The following PCNX1 variants were observed in gnomAD, a reference collection of about 807,000 sequenced individuals.
PCNX1 encodes the protein pecanex-like protein 1.
PCNX1 carries 78 observed loss-of-function variants against 242.2 expected under a neutral mutation model. The ratio of observed to expected loss-of-function variants is 0.32; its 90% CI spans 0.27 to 0.39. PCNX1 has a LOEUF of 0.39. Among genes scored for constraint, PCNX1 ranks in the 10% least tolerant of loss-of-function variants. The pLI is 1.00. For missense variants in PCNX1, 2,581 were observed against 2,856.5 expected, an observed-to-expected ratio of 0.90 and a Z score of 2.20; for synonymous variants, 1,024 against 1,032.9, an observed-to-expected ratio of 0.99 and a Z score of 0.17.
chr14:70,994,426 T>G lies in PCNX1; in HGVS notation c.2445-1315T>G, dbSNP rs866945966. Among the ~76,000 whole-genome samples, 312 of 114,826 alleles carry G rather than the reference T, an allele frequency of 2.7e-3. 8 individuals carry two copies. Among genetic ancestry groups the G allele is most frequent in the Non-Finnish European group, 2.8e-3 (150 of 54,098 alleles). 75.3% of individuals were successfully genotyped at this position (114,826 alleles called of 152,430 possible). On this transcript the variant is annotated intron_variant, in intron 7 of 35. Coordinates refer to ENST00000304743, the MANE Select transcript of PCNX1 (RefSeq NM_014982.3). ...ATATATATATATATATATATATATA[T>G]ATATGTATGTATGTATGTTTCAACA... is the stretch of plus-strand genomic sequence containing the variant.
intron 6 of PCNX1, among the ~76,000 whole-genome samples, chr14:70,988,122 A>C (rs2059053151): frequency 6.6e-6 from 1 of 152,224 alleles, no homozygotes; most frequent in Non-Finnish European, 1.5e-5. Flanking sequence ...ACAGTGAAAT[A>C]TACTGTCTTT....
At chr14:71,098,917 G>T (rs1220024845) in intron 30 of PCNX1, among the ~76,000 whole-genome samples, 1 of 152,106 alleles carries the variant, frequency 6.6e-6, no homozygotes, top group African/African-American at 2.4e-5. Context: ...TCCCCATTCA[G>T]TATGAGGGCT....
In PCNX1 at chr14:70,978,581, A is replaced by G. The variant is rs2058747712; in HGVS notation, c.2244A>G (p.Arg748=). Residue 748 remains arginine (R), a synonymous_variant, in exon 6 of 36, where the codon CGA becomes CGG. Transcript: ENST00000304743. Reference sequence around the variant, plus strand: ...CTTCCCAGTTAGAGACAGTCACTCGATCTAGGAATAGCTTGCCAAACCAGG... The same window carrying G: ...CTTCCCAGTTAGAGACAGTCACTCGGTCTAGGAATAGCTTGCCAAACCAGG... ...GRASQLETVT[R]SRNSLPNQVA... is the part of the protein sequence containing the mutation. The G allele has an allele frequency of 1.9e-6, 3 of 1,613,990 alleles. 1 individual carries two copies. The South Asian group carries it at 3.3e-5, about 18-fold the overall frequency.
In PCNX1 at chr14:71,036,140, G is replaced by C. The variant is rs1460787867; in HGVS notation, c.3850G>C (p.Val1284Leu). 6.3e-7 allele frequency: 1 copy of C among 1,592,668 alleles called. No individual in the cohort carries two copies. Among genetic ancestry groups the C allele is most frequent in the Non-Finnish European group, 8.6e-7 (1 of 1,160,528 alleles). The change falls in exon 19 of 36, where the codon GTC becomes CTC. Residue 1284 changes from valine (V) to leucine (L), a missense_variant. Around this residue, in one of 9 missense-constraint regions of PCNX1, gnomAD observed 432 missense variants for 443.1 expected, o/e 0.97. Coordinates refer to ENST00000304743, the MANE Select transcript of PCNX1 (RefSeq NM_014982.3). ...GTATTTTGCTATTCATGTAAGCACA[G>C]TCTTCACAGTATTGCAGGTAAGGAA... ...VLYFAIHVST[V>L]FTVLQPALKY...
chr14:71,087,520 C>T (rs945912840), intron 28 of PCNX1, among the ~76,000 whole-genome samples: 2 of 152,156 alleles, frequency 1.3e-5, no homozygotes, highest in Non-Finnish European at 2.9e-5. Context: ...ATTGATTCTT[C>T]ACCTTTAGCA....
chr14:71,034,141 G>A (rs2060467037), intron 18 of PCNX1, 105 bp downstream of exon 18: 3 of 624,902 alleles, frequency 4.8e-6, no homozygotes, highest in South Asian at 4.0e-5. Flanking sequence ...GGAGAAAAAT[G>A]TATAATTATA....
intron 13 of PCNX1, 23 bp downstream of exon 13, chr14:71,023,255 G>T (rs1447926899): frequency 6.6e-7 from 1 of 1,525,652 alleles, no homozygotes; most frequent in Admixed American, 1.7e-5. Flanking sequence ...TAATATGGCT[G>T]TACATTATAG....
intron 1 of PCNX1, 45 bp from the exon 2 acceptor site, chr14:70,946,870 A>C (rs1184310625): frequency 3.2e-6 from 4 of 1,248,400 alleles, no homozygotes; most frequent in Non-Finnish European, 3.5e-6. Context: ...TGAATACGAT[A>C]TAAAATATTT....
At chr14:71,031,982 T>C (rs751672636) in intron 16 of PCNX1, 52 of 1,212,952 alleles carry the variant, frequency 4.3e-5, no homozygotes, top group Non-Finnish European at 6.1e-5. Context: ...TGTGGTTCAT[T>C]GTCTCATGCC....
intron 16 of PCNX1, chr14:71,031,634 G>T: frequency 1.6e-6 from 1 of 637,408 alleles, no homozygotes; most frequent in South Asian, 1.6e-5. Context: ...CAGCTCAACA[G>T]CTCTGTGGGT....
Position 70,977,965 on chromosome 14 carries a change from G to C in PCNX1, c.1628G>C (p.Arg543Pro), listed in dbSNP as rs775621477. The C allele has an allele frequency of 6.2e-7, 1 of 1,614,096 alleles. No individual in the cohort carries two copies. The highest frequency in any genetic ancestry group is 8.5e-7 in the Non-Finnish European group (1 of 1,180,014). ...VGGKQKEGDV[R>P]PKSSSVIHRT... Reference sequence around the variant, plus strand: ...GGAAAGCAAAAGGAAGGGGATGTTCGACCTAAATCTTCTAGCGTAATCCAT... The same window carrying C: ...GGAAAGCAAAAGGAAGGGGATGTTCCACCTAAATCTTCTAGCGTAATCCAT... The change falls in exon 6 of 36, where the codon CGA becomes CCA. Residue 543 changes from arginine (R) to proline (P), a missense_variant. By Grantham distance (103) the Arg-to-Pro change is moderately radical. Coordinates refer to ENST00000304743, the MANE Select transcript of PCNX1 (RefSeq NM_014982.3).
Position 70,978,493 on chromosome 14 carries a change from C to T in PCNX1, c.2156C>T (p.Ser719Leu). The T allele has an allele frequency of 6.2e-7, 1 of 1,614,156 alleles. No homozygotes were observed. The highest frequency in any genetic ancestry group is 8.5e-7 in the Non-Finnish European group (1 of 1,180,026). Residue 719 changes from serine to leucine, a missense_variant, in exon 6 of 36, where the codon TCA (serine) becomes TTA (leucine). Physicochemically the swap from Ser to Leu is moderately radical, Grantham distance 145. Transcript: ENST00000304743. ...APESIKPLTTSKSDLEAKEGE... is the reference protein window; with the variant it reads ...APESIKPLTTLKSDLEAKEGE... ...GAAAGTATAAAGCCCTTAACCACTT[C>T]AAAATCAGATCTTGAGGCCAAAGAG...
At chr14:71,053,787 A>G (rs1046381238) in intron 24 of PCNX1, among the ~76,000 whole-genome samples, 2 of 152,250 alleles carry the variant, frequency 1.3e-5, no homozygotes, top group African/African-American at 2.4e-5. Context: ...ATAACATTTT[A>G]AAGTTAAGAA....
At chr14:71,033,312 TA>T (rs552276606) in intron 16 of PCNX1, 116 bp from the exon 17 acceptor site, 2 of 573,322 alleles carry the variant, frequency 3.5e-6, no homozygotes, top group Non-Finnish European at 6.2e-6. Context: ...ATAACGTGGC[TA>T]AAAACTTTTG....
chr14:70,951,889 T>C (rs1204948402), intron 2 of PCNX1, among the ~76,000 whole-genome samples: 2 of 152,222 alleles, frequency 1.3e-5, no homozygotes, highest in Non-Finnish European at 2.9e-5. Context: ...ATCTTTTATG[T>C]CTTATAACCT....
At chr14:71,108,545 C>T in intron 33 of PCNX1, 59 bp from the exon 34 acceptor site, 2 of 1,355,988 alleles carry the variant, frequency 1.5e-6, no homozygotes, top group Non-Finnish European at 2.0e-6. Context: ...AACTGCAAAA[C>T]AGAAGTATTG....
intron 28 of PCNX1, among the ~76,000 whole-genome samples, chr14:71,081,734 G>C (rs1036112178): frequency 7.2e-5 from 11 of 152,018 alleles, no homozygotes; most frequent in African/African-American, 2.7e-4. Flanking sequence ...TTTTTACTGT[G>C]TCTATTTGAT....
intron 1 of PCNX1, among the ~76,000 whole-genome samples, chr14:70,928,379 G>A (rs1270033455): frequency 1.3e-5 from 2 of 152,072 alleles, no homozygotes; most frequent in Non-Finnish European, 2.9e-5. Flanking sequence ...TGTTGCAATA[G>A]AATATATCAG....
chr14:70,913,456 A>G (rs1354152815), intron 1 of PCNX1, among the ~76,000 whole-genome samples: 1 of 152,194 alleles, frequency 6.6e-6, no homozygotes, highest in Admixed American at 6.5e-5. Context: ...TGCAGTACGT[A>G]TGGCTTTTTG....
Sources: gnomAD v4.1 joint callset for allele counts (sites outside exome capture counted in the v4.1 genomes callset) on GRCh38, gnomAD v4.1.1 for gene constraint, gnomAD v4.1.1 regional missense constraint, MANE v1.5 for transcripts, NCBI Gene and HGNC (gene_info 2026-07-23, HGNC 2026-07-21) for gene names.